Variants in SORCS1 observed in about 807,000 individuals in gnomAD.
SORCS1 encodes sortilin related VPS10 domain containing receptor 1.
In SORCS1, 60 loss-of-function variants were observed where a neutral mutation model predicts 146.1. The ratio of observed to expected loss-of-function variants is 0.41; its 90% confidence interval spans 0.33 to 0.51. The LOEUF (loss-of-function observed/expected upper bound fraction) is 0.51. Among genes scored for constraint, SORCS1 ranks in the 20% least tolerant of loss-of-function variants. The probability of loss-of-function intolerance (pLI) is 0.21; values close to 1 mark genes in which losing one functional copy is unlikely to be tolerated. For synonymous variants in SORCS1, 637 were observed against 584.0 expected (o/e 1.09, Z -1.31); for missense variants, 1,352 against 1,487.6 (o/e 0.91, Z 1.50).
intron 18 of SORCS1, among the ~76,000 whole-genome samples, chr10:106,646,588 C>T (rs1416189847): frequency 3.9e-5 from 6 of 152,016 alleles, no homozygotes; most frequent in Middle Eastern, 3.4e-3. Context: ...TCCAGCTACT[C>T]GGGAGACTGA....
At chr10:106,585,961 A>G (rs1024908394) in intron 24 of SORCS1, among the ~76,000 whole-genome samples, 1 of 152,222 alleles carries the variant, frequency 6.6e-6, no homozygotes, top group African/African-American at 2.4e-5. Context: ...CCAACAACCC[A>G]TAGCTGATTG....
In SORCS1 at chr10:106,576,286, A is replaced by C. The variant is rs1844573007; in HGVS notation, c.*1134T>G. 6.5e-6 allele frequency: 1 copy of C among 152,828 alleles called. No individual in the cohort carries two copies. The highest frequency in any genetic ancestry group is 1.5e-5 in the Non-Finnish European group (1 of 68,538). 9.5% of individuals were successfully genotyped at this position (152,828 alleles called of 1,614,324 possible). ...TCAGAAACTTGTGAGTAGTGGGGGC[A>C]GGGGCGGCACAGGCCAGGCCAGTAT... On this transcript the variant is annotated 3_prime_UTR_variant, in exon 26 of 26. Coordinates refer to ENST00000263054, the MANE Select transcript of SORCS1 (RefSeq NM_052918.5).
chr10:106,728,254 T>C (rs1399850126), intron 6 of SORCS1, among the ~76,000 whole-genome samples: 1 of 152,094 alleles, frequency 6.6e-6, no homozygotes, highest in Non-Finnish European at 1.5e-5. Context: ...ATGGTCTCTA[T>C]CTCCAGTAAG....
At chr10:106,823,372 T>C (rs972301702) in intron 3 of SORCS1, among the ~76,000 whole-genome samples, 3 of 152,202 alleles carry the variant, frequency 2.0e-5, no homozygotes, top group Non-Finnish European at 4.4e-5. Context: ...TAGAAATGAC[T>C]AAAACCTACA....
chr10:107,123,000 C>T (rs1461047618), intron 1 of SORCS1, among the ~76,000 whole-genome samples: 2 of 151,528 alleles, frequency 1.3e-5, no homozygotes. Flanking sequence ...AATCATATTC[C>T]TCTCCACCCA....
chr10:106,664,808 G>A (rs1018519741), intron 17 of SORCS1, among the ~76,000 whole-genome samples: 1 of 151,886 alleles, frequency 6.6e-6, no homozygotes, highest in Non-Finnish European at 1.5e-5. Context: ...TTCCTTGACT[G>A]ATTGAGCTGG....
chr10:107,088,430 G>T (rs142846874), intron 1 of SORCS1, among the ~76,000 whole-genome samples: 2,173 of 152,236 alleles, frequency 0.014, 27 homozygotes, highest in African/African-American at 0.02. Context: ...GGGACGGTGG[G>T]ATTTCCCTGA....
In SORCS1 at chr10:106,765,578, C is replaced by T. The variant is rs193095351; in HGVS notation, c.886-3917G>A. On this transcript the variant is annotated intron_variant, in intron 4 of 25. Coordinates refer to ENST00000263054, the MANE Select transcript of SORCS1 (RefSeq NM_052918.5). ...TTGGAGCTGCCAGTTGGGTGGTAGGCACTGACAAAGAGGGATGCCACAGCA... is the reference window on the plus strand; with the variant it reads ...TTGGAGCTGCCAGTTGGGTGGTAGGTACTGACAAAGAGGGATGCCACAGCA... 2.3e-3 allele frequency among the ~76,000 whole-genome samples: 354 copies of T among 152,126 alleles called. 4 individuals are homozygous for T. The highest frequency in any genetic ancestry group is 8.1e-3 in the African/African-American group (338 of 41,492).
chr10:106,735,678 G>A (rs1856899269), intron 5 of SORCS1, among the ~76,000 whole-genome samples: 1 of 152,172 alleles, frequency 6.6e-6, no homozygotes, highest in South Asian at 2.1e-4. Context: ...TGGATCCAGT[G>A]TTTCCAAAGT....
intron 5 of SORCS1, among the ~76,000 whole-genome samples, chr10:106,752,819 G>C (rs1858357850): frequency 6.6e-6 from 1 of 152,064 alleles, no homozygotes; most frequent in South Asian, 2.1e-4. Flanking sequence ...GGGAAGAACT[G>C]ACACAACTTG....
intron 19 of SORCS1, among the ~76,000 whole-genome samples, chr10:106,622,160 T>C: frequency 6.6e-6 from 1 of 151,778 alleles, no homozygotes; most frequent in Admixed American, 6.6e-5. Flanking sequence ...CATGGTGGCA[T>C]GCACCTGTAG....
chr10:106,894,270 C>CGTGT lies in SORCS1; in HGVS notation c.626+62239_626+62242dup, dbSNP rs3982431. Among the ~76,000 whole-genome samples the CGTGT allele has an allele frequency of 5.3e-3, 749 of 141,526 alleles. 7 individuals carry two copies. Among genetic ancestry groups the CGTGT allele is most frequent in the African/African-American group, 9.2e-3 (358 of 39,100 alleles). 92.8% of individuals were successfully genotyped at this position (141,526 alleles called of 152,430 possible). On this transcript the variant is annotated intron_variant, in intron 2 of 25. Transcript: ENST00000263054. ...GTGTGTGTGCGCGCGCGCACGTGTG[C>CGTGT]GTGTGTGTGTGTGTGTGTGTGTGTG...
intron 3 of SORCS1, among the ~76,000 whole-genome samples, chr10:106,821,705 A>C (rs974840131): frequency 5.5e-4 from 84 of 152,210 alleles, no homozygotes; most frequent in African/African-American, 2.0e-3. Context: ...GCGGATCCCG[A>C]GGTCAGGAGA....
chr10:107,092,597 C>T (rs1468516358), intron 1 of SORCS1, among the ~76,000 whole-genome samples: 1 of 152,096 alleles, frequency 6.6e-6, no homozygotes, highest in Non-Finnish European at 1.5e-5. Flanking sequence ...TACTGAGCTC[C>T]CATTCAGGAA....
intron 1 of SORCS1, among the ~76,000 whole-genome samples, chr10:107,016,500 G>A (rs1957903934): frequency 6.6e-6 from 1 of 151,440 alleles, no homozygotes; most frequent in Non-Finnish European, 1.5e-5. Flanking sequence ...ACAAGACTCT[G>A]TCTCAAAAAA....
chr10:107,101,530 C>A (rs1370544255), intron 1 of SORCS1, among the ~76,000 whole-genome samples: 2 of 152,074 alleles, frequency 1.3e-5, no homozygotes, highest in Non-Finnish European at 2.9e-5. Flanking sequence ...AATATTTTCC[C>A]TAAAGTAAAA....
At chr10:106,634,131 G>A (rs1282962246) in intron 18 of SORCS1, among the ~76,000 whole-genome samples, 1 of 152,140 alleles carries the variant, frequency 6.6e-6, no homozygotes, top group East Asian at 1.9e-4. Context: ...GTGGACTGAA[G>A]CATAATCACA....
At chr10:107,031,342 A>AT (rs1365062861) in intron 1 of SORCS1, among the ~76,000 whole-genome samples, 1 of 151,614 alleles carries the variant, frequency 6.6e-6, no homozygotes, top group East Asian at 1.9e-4. Context: ...TTTCTAATGC[A>AT]TTTTTTTCTA....
chr10:107,131,917 T>C (rs1966884436), intron 1 of SORCS1, among the ~76,000 whole-genome samples: 1 of 152,186 alleles, frequency 6.6e-6, no homozygotes, highest in Non-Finnish European at 1.5e-5. Flanking sequence ...TTCTTTCTTG[T>C]CCACTGCCCT....
Sources: gnomAD v4.1 joint callset for allele counts (sites outside exome capture counted in the v4.1 genomes callset) on GRCh38, gnomAD v4.1.1 for gene constraint, MANE v1.5 for transcripts, NCBI Gene and HGNC (gene_info 2026-07-23, HGNC 2026-07-21) for gene names.